Variants in PDZRN3 observed in about 807,000 individuals in gnomAD.
PDZRN3 encodes E3 ubiquitin-protein ligase PDZRN3.
Under a neutral mutation model 85.7 loss-of-function variants are expected in PDZRN3, and 38 were observed. That is an observed-to-expected ratio of 0.44 (90% CI 0.34 to 0.58). PDZRN3 has a LOEUF of 0.58. Ranked by LOEUF, PDZRN3 falls within the 20% of genes least tolerant of loss-of-function variation. PDZRN3 has a pLI of 0.01. For synonymous variants in PDZRN3, 759 were observed against 638.0 expected (o/e 1.19, Z -2.86); for missense variants, 1,629 against 1,506.4 (o/e 1.08, Z -1.35).
chr3:73,471,962 G>A (rs1477852813), intron 3 of PDZRN3, among the ~76,000 whole-genome samples: 1 of 152,188 alleles, frequency 6.6e-6, no homozygotes, highest in Non-Finnish European at 1.5e-5. Context: ...GGGTAGACAG[G>A]GATAAGTTAG....
chr3:73,437,092 T>TA, intron 3 of PDZRN3, among the ~76,000 whole-genome samples: 5 of 144,188 alleles, frequency 3.5e-5, no homozygotes, highest in Non-Finnish European at 6.1e-5. Flanking sequence ...GGACTGTTGT[T>TA]TATATGGGTT....
intron 3 of PDZRN3, among the ~76,000 whole-genome samples, chr3:73,542,029 TA>T (rs1230295030): frequency 1.3e-5 from 2 of 152,110 alleles, no homozygotes; most frequent in Non-Finnish European, 2.9e-5. Flanking sequence ...CATTAGAACC[TA>T]AAATTATGGG....
At chr3:73,532,570 A>G (rs1235258572) in intron 3 of PDZRN3, among the ~76,000 whole-genome samples, 1 of 152,230 alleles carries the variant, frequency 6.6e-6, no homozygotes, top group South Asian at 2.1e-4. Context: ...CAAACACATG[A>G]AGAAAGGTGC....
intron 5 of PDZRN3, among the ~76,000 whole-genome samples, chr3:73,396,323 C>A (rs756260847): frequency 6.6e-5 from 10 of 152,180 alleles, no homozygotes; most frequent in Non-Finnish European, 1.2e-4. Flanking sequence ...AAGATTGAGG[C>A]ATGTAACGAT....
chr3:73,484,031 T>C (rs140065446), intron 3 of PDZRN3, among the ~76,000 whole-genome samples: 3 of 152,146 alleles, frequency 2.0e-5, no homozygotes, highest in East Asian at 1.9e-4. Flanking sequence ...TGGAGGGACG[T>C]AGAATCTATG....
At chr3:73,387,863 G>A (rs1701430172) in intron 8 of PDZRN3, 105 bp downstream of exon 8, 1 of 626,816 alleles carries the variant, frequency 1.6e-6, no homozygotes, top group East Asian at 2.6e-5. Context: ...AGGGAACAAA[G>A]CACCTTCAAG....
chr3:73,494,085 C>T (rs556352027), intron 3 of PDZRN3, among the ~76,000 whole-genome samples: 152 of 152,246 alleles, frequency 1.0e-3, no homozygotes, highest in African/African-American at 3.5e-3. Context: ...ATTTGCTTTT[C>T]GCTATGTTTT....
chr3:73,519,527 G>A (rs1308481933), intron 3 of PDZRN3, among the ~76,000 whole-genome samples: 1 of 152,194 alleles, frequency 6.6e-6, no homozygotes, highest in Non-Finnish European at 1.5e-5. Flanking sequence ...GCTTCATGGA[G>A]AGTTCAATAT....
chr3:73,423,294 G>A (rs1702239140), intron 3 of PDZRN3, among the ~76,000 whole-genome samples: 1 of 152,194 alleles, frequency 6.6e-6, no homozygotes, highest in African/African-American at 2.4e-5. Flanking sequence ...CACTTCTAAT[G>A]TTATGTGCCA....
chr3:73,476,462 C>A (rs1035123385), intron 3 of PDZRN3, among the ~76,000 whole-genome samples: 1 of 152,148 alleles, frequency 6.6e-6, no homozygotes, highest in Non-Finnish European at 1.5e-5. Flanking sequence ...CCCACCTGGA[C>A]CCCCCTTCAA....
intron 3 of PDZRN3, among the ~76,000 whole-genome samples, chr3:73,578,244 A>G (rs1358661777): frequency 6.8e-6 from 1 of 147,122 alleles, no homozygotes; most frequent in Non-Finnish European, 1.5e-5. Flanking sequence ...ATCTCAGCTC[A>G]CTACAAGCTC....
chr3:73,512,708 T>C (rs960246053), intron 3 of PDZRN3, among the ~76,000 whole-genome samples: 11 of 152,176 alleles, frequency 7.2e-5, no homozygotes, highest in African/African-American at 2.7e-4. Context: ...AAAGCTTTAA[T>C]ATAATTGATT....
Position 73,624,528 on chromosome 3 carries a change from C to T in PDZRN3, c.298G>A (p.Glu100Lys), listed in dbSNP as rs1416522766. 3 of 1,477,254 alleles carry T rather than the reference C, an allele frequency of 2.0e-6. No individual in the cohort carries two copies. The highest frequency in any genetic ancestry group is 1.8e-6 in the Non-Finnish European group (2 of 1,120,064). The allele number at this position is 1,477,254 out of a possible 1,614,324, so 91.5% of individuals were successfully genotyped here. A position where few individuals can be genotyped will look rare whatever the true frequency, so the allele number is the denominator to read the frequency against. The change falls in exon 1 of 10, where the codon GAG (glutamate) becomes AAG (lysine). Residue 100 changes from glutamate (E) to lysine (K), a missense_variant. By Grantham distance (56) the Glu-to-Lys change is moderately conservative (BLOSUM62 1). Coordinates refer to ENST00000263666, the MANE Select transcript of PDZRN3 (RefSeq NM_015009.3). The stretch of plus-strand genomic sequence containing the variant: ...GCGAAGTCGCAGCGCTCGAGGTGCT[C>T]CGGCAGCTGCTGCAGCTTGACCACC... ...GRVVKLQQLP[E>K]HLERCDFAPA...
chr3:73,503,851 T>G lies in PDZRN3; in HGVS notation c.918+98503A>C, dbSNP rs537095642. Among the ~76,000 whole-genome samples the G allele has an allele frequency of 4.6e-5, 7 of 152,324 alleles. No homozygotes were observed. In the East Asian group the frequency reaches 1.2e-3, roughly 25 times the overall value. ...CAAAATGTATACAAAGATCAAGTTC[T>G]GCTCTCTGACACATAGGAAAGAAAG... is the stretch of plus-strand genomic sequence containing the variant. On this transcript the variant is annotated intron_variant, in intron 3 of 9. Coordinates refer to ENST00000263666, the MANE Select transcript of PDZRN3 (RefSeq NM_015009.3).
intron 3 of PDZRN3, among the ~76,000 whole-genome samples, chr3:73,462,144 C>T (rs1462037538): frequency 6.6e-6 from 1 of 152,154 alleles, no homozygotes; most frequent in Admixed American, 6.5e-5. Flanking sequence ...TGCAATGATG[C>T]TGTTCTTTAT....
intron 3 of PDZRN3, among the ~76,000 whole-genome samples, chr3:73,518,869 T>C (rs1047648293): frequency 6.6e-6 from 1 of 152,158 alleles, no homozygotes; most frequent in Non-Finnish European, 1.5e-5. Flanking sequence ...ACCATCACCG[T>C]GAAGATGGGG....
intron 3 of PDZRN3, among the ~76,000 whole-genome samples, chr3:73,411,882 C>A (rs930682093): frequency 3.9e-5 from 6 of 152,226 alleles, no homozygotes; most frequent in African/African-American, 1.4e-4. Context: ...TGGTACAACA[C>A]TTCCTCTGTG....
At chr3:73,462,856 C>T (rs1283525744) in intron 3 of PDZRN3, among the ~76,000 whole-genome samples, 1 of 152,120 alleles carries the variant, frequency 6.6e-6, no homozygotes, top group African/African-American at 2.4e-5. Flanking sequence ...CTTATTGGCC[C>T]ACACTTTTAC....
chr3:73,535,786 C>A (rs1482975118), intron 3 of PDZRN3, among the ~76,000 whole-genome samples: 3 of 152,122 alleles, frequency 2.0e-5, no homozygotes, highest in Non-Finnish European at 4.4e-5. Flanking sequence ...ATAATGTACA[C>A]CTTGAAGGTG....
Sources: gnomAD v4.1 joint callset for allele counts (sites outside exome capture counted in the v4.1 genomes callset) on GRCh38, gnomAD v4.1.1 for gene constraint, MANE v1.5 for transcripts, NCBI Gene and HGNC (gene_info 2026-07-23, HGNC 2026-07-21) for gene names.